MBTD1: variants seen among roughly 807,000 people sequenced by gnomAD.
MBTD1 encodes the protein mbt domain containing 1.
A neutral mutation model predicts 87.8 loss-of-function variants in MBTD1; 24 were observed. The ratio of observed to expected loss-of-function variants is 0.27; its 90% CI spans 0.20 to 0.38. The LOEUF is 0.38. Ranked by LOEUF, MBTD1 falls within the 10% of genes least tolerant of loss-of-function variation. The probability of loss-of-function intolerance (pLI) is 1.00; values close to 1 mark genes in which losing one functional copy is unlikely to be tolerated. For synonymous variants in MBTD1, 237 were observed against 248.6 expected (o/e 0.95, Z 0.44); for missense variants, 436 against 760.2 (o/e 0.57, Z 5.02).
Position 51,179,260 on chromosome 17 carries a change from A to C in MBTD1, c.*1316T>G, listed in dbSNP as rs1456083688. The C allele has an allele frequency of 6.6e-6, 1 of 151,764 alleles. No homozygotes were observed. The highest frequency in any genetic ancestry group is 1.5e-5 in the Non-Finnish European group (1 of 67,980). 9.4% of individuals were successfully genotyped at this position (151,764 alleles called of 1,614,324 possible). A position where few individuals can be genotyped will look rare whatever the true frequency, so the allele number is the denominator to read the frequency against. ...CTAGAACAGATGCAATTAATTCCTG[A>C]GAGTTTAGTTTATGAACCTCACTGG... On this transcript the variant is annotated 3_prime_UTR_variant, in exon 17 of 17. Transcript: ENST00000586178.
At position 51,188,169 on chromosome 17, in the gene MBTD1, A is replaced by T. The variant is rs183118301; in HGVS notation, c.1768+4034T>A. 9.8e-5 allele frequency among the ~76,000 whole-genome samples: 15 copies of T among 152,336 alleles called. 1 individual carries two copies. On this transcript the variant is annotated intron_variant, in intron 16 of 16. Coordinates refer to ENST00000586178, the MANE Select transcript of MBTD1 (RefSeq NM_017643.3). ...GCAAGGAGCAATGTCCACTCTTACT[A>T]CTTACAGTAGTCCCTGAAAATGGTG...
upstream of MBTD1, chr17:51,260,739 C>T (rs1187282705): frequency 3.8e-6 from 6 of 1,587,836 alleles, no homozygotes; most frequent in African/African-American, 6.7e-5. Flanking sequence ...AAACCGCCGG[C>T]CCGGCCGAGC....
intron 8 of MBTD1, among the ~76,000 whole-genome samples, chr17:51,203,586 G>A (rs2051622844): frequency 6.6e-6 from 1 of 152,010 alleles, no homozygotes. Context: ...AAGTTGAGAT[G>A]GGGTTTTGCC....
chr17:51,199,503 G>A (rs545580917), intron 12 of MBTD1, among the ~76,000 whole-genome samples: 4 of 150,122 alleles, frequency 2.7e-5, no homozygotes, highest in Admixed American at 1.3e-4. Flanking sequence ...GTGCAGTGGT[G>A]CGATCTCAGC....
At chr17:51,222,002 C>T (rs550694917) in intron 3 of MBTD1, among the ~76,000 whole-genome samples, 12 of 152,254 alleles carry the variant, frequency 7.9e-5, no homozygotes, top group South Asian at 2.1e-4. Context: ...GAAAACTAAA[C>T]GGTTTTCTGT....
intron 2 of MBTD1, among the ~76,000 whole-genome samples, chr17:51,227,331 C>T (rs1251807873): frequency 1.3e-5 from 2 of 151,390 alleles, no homozygotes; most frequent in Non-Finnish European, 2.9e-5. Flanking sequence ...GAAGTCAAGG[C>T]TGGTGGATTG....
rs11324573 is a variant in MBTD1, at chr17:51,258,008, C to CAA, written c.-49+1133_-49+1134dup. Among the ~76,000 whole-genome samples the CAA allele has an allele frequency of 2.4e-3, 329 of 137,000 alleles. 1 individual carries two copies. The highest frequency in any genetic ancestry group is 0.012 in the Middle Eastern group (3 of 258). The allele number at this position is 137,000 out of a possible 152,430, so 89.9% of individuals were successfully genotyped here. A position where few individuals can be genotyped will look rare whatever the true frequency, so the allele number is the denominator to read the frequency against. On this transcript the variant is annotated intron_variant, in intron 2 of 16. Coordinates refer to ENST00000586178, the MANE Select transcript of MBTD1 (RefSeq NM_017643.3). ...TTGTTATTCAGAGAAGGAGGTGGTG[C>CAA]AAAAAAAAAAAAAAAGTACAGCTAT...
intron 2 of MBTD1, among the ~76,000 whole-genome samples, chr17:51,233,360 C>T (rs1226493857): frequency 3.9e-5 from 6 of 151,930 alleles, no homozygotes; most frequent in Middle Eastern, 3.4e-3. Context: ...CTATAGGAAA[C>T]AGAAGAAAAG....
Position 51,179,482 on chromosome 17 carries a change from T to TTATATATATATATATATATATTTA in MBTD1, c.*1093_*1094insTAAATATATATATATATATATATA, listed in dbSNP as rs1491325264. The stretch of plus-strand genomic sequence containing the variant: ...AAATCCTGAATACAATTAAAGACAA[T>TTATATATATATATATATATATTTA]TTTATATATATATATATATATATAT... On this transcript the variant is annotated 3_prime_UTR_variant, in exon 17 of 17. Coordinates refer to ENST00000586178, the MANE Select transcript of MBTD1 (RefSeq NM_017643.3). The TTATATATATATATATATATATTTA allele has an allele frequency of 3.2e-5, 1 of 31,640 alleles. No individual in the cohort carries two copies. The highest frequency in any genetic ancestry group is 4.5e-4 in the Admixed American group (1 of 2,204). 2.0% of individuals were successfully genotyped at this position (31,640 alleles called of 1,614,324 possible).
chr17:51,200,724 C>T (rs958563698), intron 12 of MBTD1, among the ~76,000 whole-genome samples: 1 of 151,150 alleles, frequency 6.6e-6, no homozygotes, highest in African/African-American at 2.4e-5. Flanking sequence ...ATTAGCCGGG[C>T]GTGGTGGCAT....
chr17:51,202,060 C>G lies in MBTD1; in HGVS notation c.1081G>C (p.Asp361His), dbSNP rs1314383270. 6.2e-7 allele frequency: 1 copy of G among 1,608,058 alleles called. No individual in the cohort carries two copies. The highest frequency in any genetic ancestry group is 1.1e-5 in the South Asian group (1 of 90,550). ...TGTGGTGGTGTATCAAAATGTCCATCCTGTTTCTTTGTAATATCTACAAGG... is the reference window on the plus strand; with the variant it reads ...TGTGGTGGTGTATCAAAATGTCCATGCTGTTTCTTTGTAATATCTACAAGG... ...FKRSDITKKQDGHFDTPPHLF... is the reference protein window; with the variant it reads ...FKRSDITKKQHGHFDTPPHLF... Residue 361 changes from aspartate (D) to histidine (H), a missense_variant, in exon 11 of 17, where the codon GAT becomes CAT. Coordinates refer to ENST00000586178, the MANE Select transcript of MBTD1 (RefSeq NM_017643.3).
intron 9 of MBTD1, 21 bp from the exon 10 acceptor site, chr17:51,202,956 A>C (rs781668891): frequency 1.3e-6 from 2 of 1,575,600 alleles, no homozygotes; most frequent in Non-Finnish European, 1.7e-6. Flanking sequence ...TACAAAAAAA[A>C]CTGCTCGAAA....
rs1555673760 is a variant in MBTD1, at chr17:51,179,502, A to ATATATTTATATTTT, written c.*1073_*1074insAAAATATAAATATA. On this transcript the variant is annotated 3_prime_UTR_variant, in exon 17 of 17. Coordinates refer to ENST00000586178, the MANE Select transcript of MBTD1 (RefSeq NM_017643.3). ...GACAATTTTATATATATATATATAT[A>ATATATTTATATTTT]TATATATATATATATATATATATAT... 3 of 68,108 alleles carry ATATATTTATATTTT rather than the reference A, an allele frequency of 4.4e-5. No individual in the cohort carries two copies. Among genetic ancestry groups the ATATATTTATATTTT allele is most frequent in the African/African-American group, 1.7e-4 (3 of 18,094 alleles). 4.2% of individuals were successfully genotyped at this position (68,108 alleles called of 1,614,324 possible).
At chr17:51,182,731 T>C (rs1028872608) in intron 16 of MBTD1, among the ~76,000 whole-genome samples, 2 of 152,188 alleles carry the variant, frequency 1.3e-5, no homozygotes, top group African/African-American at 4.8e-5. Context: ...TTATGTATCT[T>C]TTCATTAATA....
chr17:51,180,854 G>C (rs765400336), intron 16 of MBTD1, among the ~76,000 whole-genome samples, 160 bp from the exon 17 acceptor site: 3 of 152,076 alleles, frequency 2.0e-5, no homozygotes, highest in African/African-American at 7.2e-5. Context: ...AAACATTCTG[G>C]AAAGGAACAG....
intron 2 of MBTD1, among the ~76,000 whole-genome samples, chr17:51,237,062 C>T (rs567005398): frequency 2.6e-5 from 4 of 151,950 alleles, no homozygotes; most frequent in Non-Finnish European, 4.4e-5. Flanking sequence ...CCTGGGAGGC[C>T]GAGGCGGGCG....
At chr17:51,194,396 C>G (rs1206810326) in intron 13 of MBTD1, among the ~76,000 whole-genome samples, 1 of 151,394 alleles carries the variant, frequency 6.6e-6, no homozygotes, top group Non-Finnish European at 1.5e-5. Context: ...ATGGCGAAAC[C>G]CTGTCTCTAC....
chr17:51,260,481 TC>T, upstream of MBTD1: 1 of 1,288,816 alleles, frequency 7.8e-7, no homozygotes. Context: ...CTGCGCAGGC[TC>T]CTTCCGGCCC....
intron 2 of MBTD1, among the ~76,000 whole-genome samples, chr17:51,238,161 C>T (rs2053959434): frequency 6.6e-6 from 1 of 152,004 alleles, no homozygotes; most frequent in South Asian, 2.1e-4. Context: ...GATTATACTA[C>T]CTAGATTGTG....
Sources: allele counts gnomAD v4.1 joint callset (sites outside exome capture counted in the v4.1 genomes callset), GRCh38; gene constraint gnomAD v4.1.1; transcripts MANE v1.5; gene names NCBI Gene and HGNC (gene_info 2026-07-23, HGNC 2026-07-21).